GLCE: variants seen among roughly 807,000 people sequenced by gnomAD.
GLCE encodes the protein D-glucuronyl C5-epimerase.
A neutral mutation model predicts 47.9 loss-of-function variants in GLCE; 19 were observed. The ratio of observed to expected loss-of-function variants is 0.40; its 90% confidence interval spans 0.28 to 0.58. The LOEUF is 0.58. GLCE is among the 20% of genes least tolerant of loss of function. GLCE has a pLI of 0.48. For synonymous variants in GLCE, 245 were observed against 263.4 expected, an observed-to-expected ratio of 0.93 and a Z score of 0.68; for missense variants, 556 against 743.3, an observed-to-expected ratio of 0.75 and a Z score of 2.93.
At chr15:69,171,687 C>T (rs190625409) in intron 1 of GLCE, among the ~76,000 whole-genome samples, 27 of 152,222 alleles carry the variant, frequency 1.8e-4, no homozygotes, top group East Asian at 1.4e-3. Flanking sequence ...TGAGCCACCG[C>T]GCCCTGCTCT....
rs189315935 is a variant in GLCE at position 69,216,914 on chromosome 15, C to T, written c.-14+6508C>T. Among the ~76,000 whole-genome samples, 112 of 152,098 alleles carry T rather than the reference C, an allele frequency of 7.4e-4. 1 individual carries two copies. In the East Asian group the frequency reaches 0.011, roughly 15 times the overall value. ...CCTATTTCAGTAGGAGAAAGCCAAACGAAACAATGTTTTATTTACATATTC... is the reference window on the plus strand; with the variant it reads ...CCTATTTCAGTAGGAGAAAGCCAAATGAAACAATGTTTTATTTACATATTC... On this transcript the variant is annotated intron_variant, in intron 2 of 4. Coordinates refer to ENST00000261858, the MANE Select transcript of GLCE (RefSeq NM_015554.3).
At chr15:69,173,164 T>C (rs2051612624) in intron 1 of GLCE, among the ~76,000 whole-genome samples, 1 of 152,244 alleles carries the variant, frequency 6.6e-6, no homozygotes, top group Non-Finnish European at 1.5e-5. Context: ...AACAGTTGAT[T>C]ATTCTTTTCT....
At chr15:69,180,649 T>C (rs780470677) in intron 1 of GLCE, among the ~76,000 whole-genome samples, 1 of 152,136 alleles carries the variant, frequency 6.6e-6, no homozygotes, top group Non-Finnish European at 1.5e-5. Context: ...GGTATTTACA[T>C]TTGAAGAAGC....
At chr15:69,204,432 G>A (rs1046544507) in intron 1 of GLCE, among the ~76,000 whole-genome samples, 1 of 151,782 alleles carries the variant, frequency 6.6e-6, no homozygotes, top group Non-Finnish European at 1.5e-5. Context: ...ACAGGCGTGT[G>A]CCACCACACC....
At chr15:69,187,271 C>T (rs1486512653) in intron 1 of GLCE, among the ~76,000 whole-genome samples, 1 of 151,898 alleles carries the variant, frequency 6.6e-6, no homozygotes, top group African/African-American at 2.4e-5. Context: ...AATGAAAAGA[C>T]TTATCTTACC....
Position 69,255,948 on chromosome 15 carries a change from A to G in GLCE, c.142A>G (p.Arg48Gly). 6.2e-7 allele frequency: 1 copy of G among 1,614,074 alleles called. No individual in the cohort carries two copies. The highest frequency in any genetic ancestry group is 2.2e-5 in the East Asian group (1 of 44,870). ...TCCACGGCGTTCGAGTAGTGGCTTCAGAGTGGATGGGTTTGAAAAAAGAGC... is the reference window on the plus strand; with the variant it reads ...TCCACGGCGTTCGAGTAGTGGCTTCGGAGTGGATGGGTTTGAAAAAAGAGC... The part of the protein sequence containing the change: ...QFPRRSSSGF[R>G]VDGFEKRAAA... Residue 48 changes from arginine (R) to glycine (G), a missense_variant, in exon 3 of 5, where the codon AGA (arginine) becomes GGA (glycine). Around this residue, in one of 3 missense-constraint regions of GLCE, gnomAD observed 237 missense variants for 310.9 expected, o/e 0.76. Transcript: ENST00000261858.
chr15:69,188,245 AAAAC>A (rs2051858059), intron 1 of GLCE, among the ~76,000 whole-genome samples: 1 of 152,154 alleles, frequency 6.6e-6, no homozygotes, highest in South Asian at 2.1e-4. Context: ...ACAAAAACAA[AAAAC>A]AAAACAAAAC....
At chr15:69,224,595 A>G (rs1210822840) in intron 2 of GLCE, among the ~76,000 whole-genome samples, 1 of 152,186 alleles carries the variant, frequency 6.6e-6, no homozygotes, top group East Asian at 1.9e-4. Context: ...TTTGGCAACA[A>G]TCAGTGATCA....
intron 1 of GLCE, among the ~76,000 whole-genome samples, chr15:69,161,528 GTC>G (rs2051420800): frequency 1.3e-5 from 2 of 152,106 alleles, no homozygotes; most frequent in South Asian, 2.1e-4. Context: ...CCCCCGGGCA[GTC>G]TCTCGGGGTG....
chr15:69,201,866 A>T (rs561921181), intron 1 of GLCE, among the ~76,000 whole-genome samples: 1 of 151,870 alleles, frequency 6.6e-6, no homozygotes, highest in South Asian at 2.1e-4. Flanking sequence ...TAAAGACTCT[A>T]AAGTGCTAAA....
intron 1 of GLCE, among the ~76,000 whole-genome samples, chr15:69,177,295 TC>T (rs768586760): frequency 5.3e-5 from 8 of 152,160 alleles, no homozygotes; most frequent in Non-Finnish European, 1.0e-4. Context: ...ACTCCTGACT[TC>T]AGGTGATCCA....
At chr15:69,190,779 G>T (rs1195505109) in intron 1 of GLCE, among the ~76,000 whole-genome samples, 1 of 151,974 alleles carries the variant, frequency 6.6e-6, no homozygotes, top group African/African-American at 2.4e-5. Context: ...ATGATGACTG[G>T]TATGATTAGA....
At chr15:69,231,036 C>G (rs2052514054) in intron 2 of GLCE, among the ~76,000 whole-genome samples, 1 of 152,052 alleles carries the variant, frequency 6.6e-6, no homozygotes, top group Non-Finnish European at 1.5e-5. Flanking sequence ...TAGATAAAAC[C>G]ACTTTTTTGG....
intron 2 of GLCE, among the ~76,000 whole-genome samples, chr15:69,211,981 A>T (rs2052239691): frequency 6.6e-6 from 1 of 152,044 alleles, no homozygotes; most frequent in African/African-American, 2.4e-5. Context: ...CAGAAAGAAA[A>T]TACTTTGCAT....
chr15:69,191,121 T>C (rs780769038), intron 1 of GLCE, among the ~76,000 whole-genome samples: 1 of 152,184 alleles, frequency 6.6e-6, no homozygotes, highest in Non-Finnish European at 1.5e-5. Context: ...ATATCTTTTA[T>C]AGTTACCCAC....
chr15:69,222,365 C>T (rs1343258140), intron 2 of GLCE, among the ~76,000 whole-genome samples: 1 of 152,166 alleles, frequency 6.6e-6, no homozygotes, highest in Non-Finnish European at 1.5e-5. Context: ...GGAAGTGCTC[C>T]AGCAGGGTAG....
chr15:69,176,946 G>A (rs1420434226), intron 1 of GLCE, among the ~76,000 whole-genome samples: 1 of 151,924 alleles, frequency 6.6e-6, no homozygotes, highest in African/African-American at 2.4e-5. Context: ...GTAGAATCAG[G>A]ACACTCTCAA....
At position 69,161,388 on chromosome 15, in the gene GLCE, G is replaced by GT. The variant is rs1566943267; in HGVS notation, c.-105+631_-105+632insT. ...GTTCCGCTGGGGCCGGGGCCGCCTT[G>GT]GGGGGTTGTTGGGGGCTGAGGGTGT... On this transcript the variant is annotated intron_variant, in intron 1 of 4. Transcript: ENST00000261858. 2.0e-5 allele frequency among the ~76,000 whole-genome samples: 3 copies of GT among 152,064 alleles called. No individual in the cohort carries two copies. The East Asian group carries it at 5.8e-4, about 30-fold the overall frequency.
intron 3 of GLCE, among the ~76,000 whole-genome samples, chr15:69,257,695 C>T (rs997192017): frequency 3.3e-5 from 5 of 152,026 alleles, no homozygotes; most frequent in Non-Finnish European, 7.4e-5. Flanking sequence ...TTCACCTATA[C>T]TCTTACCACC....
Sources: gnomAD v4.1 joint callset for allele counts (sites outside exome capture counted in the v4.1 genomes callset) on GRCh38, gnomAD v4.1.1 for gene constraint, gnomAD v4.1.1 regional missense constraint, MANE v1.5 for transcripts, NCBI Gene and HGNC (gene_info 2026-07-23, HGNC 2026-07-21) for gene names.